The following GABRR2 variants were observed in gnomAD, a reference collection of about 807,000 sequenced individuals.
The protein encoded by GABRR2 is gamma-aminobutyric acid type A receptor subunit rho2.
GABRR2 carries 36 observed loss-of-function variants against 47.0 expected under a neutral mutation model. The ratio of observed to expected loss-of-function variants is 0.77; its 90% CI spans 0.59 to 1.01. The LOEUF is 1.01. Among genes scored for constraint, GABRR2 ranks in the 50% least tolerant of loss-of-function variants. The pLI is 0.00. For synonymous variants in GABRR2, 204 were observed against 227.5 expected (o/e 0.90, Z 0.93); for missense variants, 587 against 594.6 (o/e 0.99, Z 0.13).
rs1231107084 is a variant in GABRR2 at position 89,267,743 on chromosome 6, G to A, written c.672C>T (p.Ser224=). Residue 224 remains serine, a synonymous_variant, in exon 6 of 9, where the codon TCC becomes TCT. Coordinates refer to ENST00000402938, the MANE Select transcript of GABRR2 (RefSeq NM_002043.5). ...ATTTCTGAATCAGAAACTGAGACAAGGAGATCTTCTCATCTGTTTTTAGGG... is the reference window on the plus strand; with the variant it reads ...ATTTCTGAATCAGAAACTGAGACAAAGAGATCTTCTCATCTGTTTTTAGGG... ...DESLKTDEKI[S]LSQFLIQKFH... 6.2e-7 allele frequency: 1 copy of A among 1,613,898 alleles called. No homozygotes were observed. The highest frequency in any genetic ancestry group is 8.5e-7 in the Non-Finnish European group (1 of 1,179,804).
chr6:89,293,049 A>G (rs1422474619), intron 2 of GABRR2, among the ~76,000 whole-genome samples: 1 of 152,054 alleles, frequency 6.6e-6, no homozygotes, highest in African/African-American at 2.4e-5. Flanking sequence ...AGAAGAAACA[A>G]CACAAATGTC....
chr6:89,294,806 A>G (rs1383368481), intron 2 of GABRR2, among the ~76,000 whole-genome samples: 1 of 107,740 alleles, frequency 9.3e-6, no homozygotes, highest in African/African-American at 3.6e-5. Flanking sequence ...CCACCCCACA[A>G]CAGGCCCTGG....
At chr6:89,266,366 G>A (rs973566144) in intron 6 of GABRR2, among the ~76,000 whole-genome samples, 2 of 152,222 alleles carry the variant, frequency 1.3e-5, no homozygotes, top group African/African-American at 4.8e-5. Context: ...AGCATAAGAG[G>A]TTGGAATAGT....
At chr6:89,267,592 A>T in intron 6 of GABRR2, 87 bp downstream of exon 6, 1 of 1,212,518 alleles carries the variant, frequency 8.2e-7, no homozygotes, top group Non-Finnish European at 1.1e-6. Context: ...ACACACACAA[A>T]ACATATTTTC....
chr6:89,311,777 C>T (rs559202390), intron 1 of GABRR2, among the ~76,000 whole-genome samples: 123 of 152,184 alleles, frequency 8.1e-4, no homozygotes, highest in Non-Finnish European at 1.2e-3. Flanking sequence ...TTCACATCAT[C>T]CCCATGGGGA....
At chr6:89,265,107 T>A (rs1773859604) in intron 7 of GABRR2, among the ~76,000 whole-genome samples, 1 of 152,080 alleles carries the variant, frequency 6.6e-6, no homozygotes, top group South Asian at 2.1e-4. Context: ...CCCAACCTAA[T>A]GTTGTCTAAA....
rs184162906 is a variant in GABRR2, at chr6:89,263,131, G to A, written c.1086+1281C>T. Among the ~76,000 whole-genome samples, 3 of 152,262 alleles carry A rather than the reference G, an allele frequency of 2.0e-5. No individual in the cohort carries two copies. In the East Asian group the frequency reaches 5.8e-4, roughly 29 times the overall value. On this transcript the variant is annotated intron_variant, in intron 8 of 8. Transcript: ENST00000402938. ...CACCTCTGCCACCCCGGAGACAGTA[G>A]GACCAAACCTTCTCTTTCGTCCTCC...
At chr6:89,283,608 G>A (rs1402623109) in intron 2 of GABRR2, among the ~76,000 whole-genome samples, 1 of 152,160 alleles carries the variant, frequency 6.6e-6, no homozygotes, top group Non-Finnish European at 1.5e-5. Flanking sequence ...AAAGTGGGGT[G>A]GGGAGGATAT....
chr6:89,280,118 A>G (rs1774229826), intron 2 of GABRR2, among the ~76,000 whole-genome samples: 1 of 151,586 alleles, frequency 6.6e-6, no homozygotes, highest in Non-Finnish European at 1.5e-5. Context: ...CTGAGGTAGG[A>G]GAATCGCTTG....
intron 1 of GABRR2, among the ~76,000 whole-genome samples, chr6:89,307,970 C>T (rs1191756649): frequency 6.6e-6 from 1 of 152,072 alleles, no homozygotes; most frequent in Non-Finnish European, 1.5e-5. Flanking sequence ...GCACCCGCCA[C>T]CACACCCAGC....
intron 1 of GABRR2, chr6:89,302,072 G>A: frequency 1.6e-6 from 1 of 635,006 alleles, no homozygotes; most frequent in Non-Finnish European, 2.9e-6. Flanking sequence ...GAGTGGGGCC[G>A]GCAATAACTG....
intron 3 of GABRR2, chr6:89,270,377 A>C (rs779165107): frequency 6.6e-6 from 1 of 152,226 alleles, no homozygotes; most frequent in Non-Finnish European, 1.5e-5. Flanking sequence ...GAGGCAGGTC[A>C]TTCTAGATAC....
intron 2 of GABRR2, among the ~76,000 whole-genome samples, chr6:89,279,682 T>TAAAA: frequency 7.7e-6 from 1 of 129,834 alleles, no homozygotes; most frequent in Non-Finnish European, 1.7e-5. Flanking sequence ...CAAAAAAAGT[T>TAAAA]AAAAAAAAAA....
intron 6 of GABRR2, among the ~76,000 whole-genome samples, chr6:89,266,984 C>T (rs936062799): frequency 6.8e-6 from 1 of 147,184 alleles, no homozygotes; most frequent in Non-Finnish European, 1.5e-5. Context: ...CCATGCCTGG[C>T]TAATTTCTTT....
Position 89,280,211 on chromosome 6 carries a change from AATATATATATATATATATATATATATAT to A in GABRR2, c.221-8517_221-8490del, listed in dbSNP as rs35295435. ...ATGACAGAGACTTAGTCTAAAAACA[AATATATATATATATATATATATATATAT>A]ATATATATATATATACATACATATA... On this transcript the variant is annotated intron_variant, in intron 2 of 8. Coordinates refer to ENST00000402938, the MANE Select transcript of GABRR2 (RefSeq NM_002043.5). 3.5e-3 allele frequency among the ~76,000 whole-genome samples: 382 copies of A among 110,428 alleles called. 8 individuals carry two copies. The highest frequency in any genetic ancestry group is 0.01 in the African/African-American group (276 of 27,166). 72.4% of individuals were successfully genotyped at this position (110,428 alleles called of 152,430 possible).
intron 2 of GABRR2, among the ~76,000 whole-genome samples, chr6:89,284,407 C>T (rs1400357038): frequency 6.6e-6 from 1 of 152,144 alleles, no homozygotes. Context: ...CAAAGGAGAA[C>T]TAAGAACATG....
chr6:89,271,817 G>A (rs1774060153), intron 2 of GABRR2, 95 bp from the exon 3 acceptor site: 1 of 961,704 alleles, frequency 1.0e-6, no homozygotes, highest in Non-Finnish European at 1.6e-6. Context: ...AGCCAGGACT[G>A]GAGCAGAGTA....
chr6:89,264,309 TC>T, intron 8 of GABRR2, 102 bp downstream of exon 8: 1 of 1,320,092 alleles, frequency 7.6e-7, no homozygotes, highest in East Asian at 2.5e-5. Context: ...CACAAACATC[TC>T]CTTTTTCTAC....
At chr6:89,290,943 G>T (rs1041006140) in intron 2 of GABRR2, among the ~76,000 whole-genome samples, 1 of 152,134 alleles carries the variant, frequency 6.6e-6, no homozygotes, top group Non-Finnish European at 1.5e-5. Context: ...AGCCTCTGGG[G>T]CTTTGCCACA....
Sources: allele counts gnomAD v4.1 joint callset (sites outside exome capture counted in the v4.1 genomes callset), GRCh38; gene constraint gnomAD v4.1.1; transcripts MANE v1.5; gene names NCBI Gene and HGNC (gene_info 2026-07-23, HGNC 2026-07-21).